SNCAIP: variants seen among roughly 807,000 people sequenced by gnomAD.
SNCAIP encodes synuclein alpha interacting protein.
Under a neutral mutation model 86.7 loss-of-function variants are expected in SNCAIP, and 43 were observed. The observed-to-expected ratio is 0.50, with a 90% confidence interval of 0.39 to 0.64. The LOEUF is 0.64. Among genes scored for constraint, SNCAIP ranks in the 30% least tolerant of loss-of-function variants. SNCAIP has a pLI of 0.00. For synonymous variants in SNCAIP, 417 were observed against 427.2 expected, an observed-to-expected ratio of 0.98 and a Z score of 0.29; for missense variants, 981 against 1,103.1, an observed-to-expected ratio of 0.89 and a Z score of 1.57.
intron 2 of SNCAIP, among the ~76,000 whole-genome samples, chr5:122,398,021 GTATC>G (rs1770987187): frequency 6.6e-6 from 1 of 152,166 alleles, no homozygotes; most frequent in Admixed American, 6.6e-5. Flanking sequence ...AGTAAGCACA[GTATC>G]TATTGAGTGG....
At chr5:122,366,236 T>G (rs1369601610) in intron 1 of SNCAIP, among the ~76,000 whole-genome samples, 1 of 152,106 alleles carries the variant, frequency 6.6e-6, no homozygotes, top group Non-Finnish European at 1.5e-5. Context: ...AGGGAAAAGG[T>G]CTATTACCAC....
intron 5 of SNCAIP, among the ~76,000 whole-genome samples, chr5:122,429,780 G>A (rs1310779060): frequency 6.6e-6 from 1 of 152,154 alleles, no homozygotes; most frequent in East Asian, 1.9e-4. Flanking sequence ...GTACCCTGGG[G>A]TGTTTATTTA....
chr5:122,348,428 G>A (rs10060995), intron 1 of SNCAIP, among the ~76,000 whole-genome samples: 6,847 of 152,178 alleles, frequency 0.045, 511 homozygotes, highest in African/African-American at 0.16. Flanking sequence ...TTACAATGGA[G>A]TTGTCAGAAG....
At chr5:122,406,833 T>TA (rs1477882849) in intron 3 of SNCAIP, among the ~76,000 whole-genome samples, 27 of 152,306 alleles carry the variant, frequency 1.8e-4, no homozygotes, top group African/African-American at 5.3e-4. Context: ...CAATCTCGGG[T>TA]ATTTCTTTAT....
intron 1 of SNCAIP, chr5:122,389,272 C>T (rs1434388335): frequency 6.6e-6 from 1 of 152,206 alleles, no homozygotes; most frequent in East Asian, 1.9e-4. Context: ...TTCATCTCCC[C>T]ATATTTCCAT....
At chr5:122,409,688 A>C (rs1417328857) in intron 3 of SNCAIP, among the ~76,000 whole-genome samples, 1 of 152,216 alleles carries the variant, frequency 6.6e-6, no homozygotes, top group Non-Finnish European at 1.5e-5. Flanking sequence ...TGTGCATGCA[A>C]ATTTTGTGAC....
intron 3 of SNCAIP, among the ~76,000 whole-genome samples, chr5:122,404,200 G>A (rs1772467986): frequency 6.6e-6 from 1 of 152,032 alleles, no homozygotes; most frequent in Non-Finnish European, 1.5e-5. Flanking sequence ...AATGATGCAG[G>A]CGCCAATGAA....
intron 1 of SNCAIP, among the ~76,000 whole-genome samples, chr5:122,334,149 A>C (rs1039750045): frequency 1.3e-5 from 2 of 152,228 alleles, no homozygotes; most frequent in African/African-American, 4.8e-5. Context: ...CAAACTAATA[A>C]AAACTAGCAC....
chr5:122,325,578 C>G (rs776368831), intron 1 of SNCAIP, among the ~76,000 whole-genome samples: 3 of 152,198 alleles, frequency 2.0e-5, no homozygotes, highest in African/African-American at 4.8e-5. Flanking sequence ...CTAAACAACT[C>G]TCAAATTGCA....
intron 1 of SNCAIP, among the ~76,000 whole-genome samples, chr5:122,363,383 A>G (rs1762559661): frequency 1.3e-5 from 2 of 152,090 alleles, no homozygotes; most frequent in African/African-American, 4.8e-5. Context: ...TGCCTGTTCT[A>G]CCAGTTGGCA....
intron 1 of SNCAIP, among the ~76,000 whole-genome samples, chr5:122,351,031 A>G (rs1005877988): frequency 1.3e-5 from 2 of 152,208 alleles, no homozygotes; most frequent in Non-Finnish European, 2.9e-5. Flanking sequence ...ATCAATTACT[A>G]TGACCCAGAT....
At chr5:122,425,699 G>T (rs1185145460) in intron 5 of SNCAIP, among the ~76,000 whole-genome samples, 168 bp downstream of exon 5, 1 of 152,204 alleles carries the variant, frequency 6.6e-6, no homozygotes, top group Non-Finnish European at 1.5e-5. Context: ...ACTGCTTTGA[G>T]ATTTTGAGAC....
intron 6 of SNCAIP, 189 bp from the exon 7 acceptor site, chr5:122,440,440 C>T (rs1263940634): frequency 1.5e-5 from 9 of 606,246 alleles, no homozygotes; most frequent in Non-Finnish European, 2.3e-5. Flanking sequence ...TTCTCTATGC[C>T]GTCCTCTTTC....
At chr5:122,350,100 A>C (rs530070799) in intron 1 of SNCAIP, among the ~76,000 whole-genome samples, 3 of 152,220 alleles carry the variant, frequency 2.0e-5, no homozygotes, top group Non-Finnish European at 4.4e-5. Flanking sequence ...AACTGTAATA[A>C]AAGTTTATAC....
At chr5:122,318,077 C>T (rs1752156381) in intron 1 of SNCAIP, among the ~76,000 whole-genome samples, 1 of 152,104 alleles carries the variant, frequency 6.6e-6, no homozygotes, top group Admixed American at 6.6e-5. Flanking sequence ...CAGGCTCCTA[C>T]CATGAATTCC....
chr5:122,328,417 G>C (rs189122538), intron 1 of SNCAIP, among the ~76,000 whole-genome samples: 1 of 152,206 alleles, frequency 6.6e-6, no homozygotes, highest in East Asian at 1.9e-4. Context: ...TTCCTAGTTT[G>C]GTGAATAGCC....
chr5:122,451,254 T>A lies in SNCAIP; in HGVS notation c.2407T>A (p.Ser803Thr). 6.2e-7 allele frequency: 1 copy of A among 1,614,138 alleles called. No homozygotes were observed. Among genetic ancestry groups the A allele is most frequent in the Non-Finnish European group, 8.5e-7 (1 of 1,180,016 alleles). The change falls in exon 10 of 11, where the codon TCT becomes ACT. Residue 803 changes from serine to threonine, a missense_variant. Ser to Thr is a moderately conservative substitution (Grantham distance 58, BLOSUM62 1). Coordinates refer to ENST00000261368, the MANE Select transcript of SNCAIP (RefSeq NM_005460.4). Reference protein sequence around the residue: ...TSPKSALKSPSSKRRTSQNLK... With the variant: ...TSPKSALKSPTSKRRTSQNLK... ...TCCCAAGAGTGCCCTCAAGTCTCCA[T>A]CTTCCAAGCGTAGGACATCTCAGAA...
At chr5:122,457,089 C>T (rs1406088265) in intron 10 of SNCAIP, among the ~76,000 whole-genome samples, 2 of 152,174 alleles carry the variant, frequency 1.3e-5, no homozygotes, top group African/African-American at 2.4e-5. Flanking sequence ...GCAACCTCCA[C>T]CTCCCAGGCT....
At chr5:122,425,559 C>T (rs1304459727) in intron 5 of SNCAIP, 28 bp downstream of exon 5, 5 of 1,580,118 alleles carry the variant, frequency 3.2e-6, no homozygotes, top group Admixed American at 3.3e-5. Flanking sequence ...GGAACCTCCA[C>T]AGCTAGAAGC....
Sources: gnomAD v4.1 joint callset for allele counts (sites outside exome capture counted in the v4.1 genomes callset) on GRCh38, gnomAD v4.1.1 for gene constraint, MANE v1.5 for transcripts, NCBI Gene and HGNC (gene_info 2026-07-23, HGNC 2026-07-21) for gene names.